Variants in SH3TC1 observed in about 807,000 individuals in gnomAD.
SH3TC1 encodes SH3 domain and tetratricopeptide repeat-containing protein 1.
Under a neutral mutation model 117.3 loss-of-function variants are expected in SH3TC1, and 135 were observed. The ratio of observed to expected loss-of-function variants is 1.15; its 90% CI spans 1.00 to 1.33. The LOEUF is 1.33. SH3TC1 is among the 40% of genes most tolerant of loss of function. The pLI is 0.00. For missense variants in SH3TC1, 2,092 were observed against 1,794.3 expected, an observed-to-expected ratio of 1.17 and a Z score of -3.00; for synonymous variants, 898 against 816.9, an observed-to-expected ratio of 1.10 and a Z score of -1.69.
At chr4:8,194,084 G>A (rs972296215) in intron 1 of SH3TC1, among the ~76,000 whole-genome samples, 2 of 152,212 alleles carry the variant, frequency 1.3e-5, no homozygotes, top group African/African-American at 4.8e-5. Context: ...CCTGGGGCTC[G>A]GGCCTCAGGG....
chr4:8,202,882 G>T (rs1039356172), intron 1 of SH3TC1, among the ~76,000 whole-genome samples: 15 of 152,214 alleles, frequency 9.9e-5, no homozygotes, highest in African/African-American at 3.6e-4. Context: ...GGAGGTGGGT[G>T]GTTGTTGAAA....
intron 5 of SH3TC1, among the ~76,000 whole-genome samples, chr4:8,215,536 C>T (rs1370267950): frequency 1.3e-5 from 2 of 152,152 alleles, no homozygotes; most frequent in African/African-American, 4.8e-5. Flanking sequence ...TTCCTGTCTC[C>T]CTCTTTCAGA....
chr4:8,185,589 A>G (rs1390865329), intron 1 of SH3TC1, among the ~76,000 whole-genome samples: 3 of 152,054 alleles, frequency 2.0e-5, no homozygotes, highest in Non-Finnish European at 2.9e-5. Context: ...TGGAGCAGAC[A>G]CTCTGAAGCT....
In SH3TC1 at chr4:8,205,335, G is replaced by A. The variant is rs1389216492; in HGVS notation, c.141G>A (p.Gly47=). The A allele has an allele frequency of 6.5e-7, 1 of 1,549,642 alleles. No homozygotes were observed. The highest frequency in any genetic ancestry group is 1.2e-5 in the South Asian group (1 of 83,962). Residue 47 remains glycine, a synonymous_variant, in exon 2 of 18, where the codon GGG becomes GGA. Transcript: ENST00000245105. The surrounding 1 kb of genome is among the most constrained non-coding windows in gnomAD (Gnocchi z 5.4). The part of the protein sequence containing the change: ...MRPSVSWEKA[G]PEEAKAPVRG... Reference sequence around the variant, plus strand: ...CCTCTGTGAGCTGGGAGAAAGCGGGGCCCGAGGAGGCCAAGGCGCCAGTGA... The same window carrying A: ...CCTCTGTGAGCTGGGAGAAAGCGGGACCCGAGGAGGCCAAGGCGCCAGTGA...
chr4:8,232,663 C>T (rs1371247906), intron 13 of SH3TC1: 2 of 1,293,366 alleles, frequency 1.5e-6, no homozygotes, highest in Admixed American at 4.6e-5. Flanking sequence ...CTGGAGCATC[C>T]TGACCTGGTG....
In SH3TC1 at chr4:8,192,499, TC is replaced by T. The variant is rs1717448345; in HGVS notation, c.-57+10290del. Among the ~76,000 whole-genome samples, 1 of 149,794 alleles carries T rather than the reference TC, an allele frequency of 6.7e-6. No homozygotes were observed. Among genetic ancestry groups the T allele is most frequent in the Non-Finnish European group, 1.5e-5 (1 of 67,804 alleles). On this transcript the variant is annotated intron_variant, in intron 1 of 16. Transcript: ENST00000508641. The surrounding 1 kb of genome is among the most constrained non-coding windows in gnomAD (Gnocchi z 4.1). ...TTATTTTATTTTATTTTATTTTATT[TC>T]ATTTTATTTTTGAGATGGAGTCTCA...
At chr4:8,238,399 C>T (rs1431413356) in intron 17 of SH3TC1, among the ~76,000 whole-genome samples, 1 of 152,216 alleles carries the variant, frequency 6.6e-6, no homozygotes, top group Non-Finnish European at 1.5e-5. Flanking sequence ...AGACTCGGAT[C>T]TGGGATGTCC....
intron 1 of SH3TC1, chr4:8,182,218 C>G (rs1328349667): frequency 6.6e-6 from 1 of 152,340 alleles, no homozygotes; most frequent in Non-Finnish European, 1.5e-5. Context: ...AGGGTAAGTT[C>G]CAGAGCATTT....
upstream of SH3TC1, among the ~76,000 whole-genome samples, chr4:8,195,565 A>G (rs1717533412): frequency 6.6e-6 from 1 of 152,170 alleles, no homozygotes; most frequent in African/African-American, 2.4e-5. Flanking sequence ...AGCTGCAGAG[A>G]CAAACAGGAT....
upstream of SH3TC1, chr4:8,199,219 A>C (rs1226086058): frequency 1.3e-5 from 2 of 152,316 alleles, no homozygotes; most frequent in Admixed American, 6.5e-5. Context: ...GCAGGGAGGA[A>C]GTAGGGCAGG....
chr4:8,233,103 G>C (rs903493591), intron 13 of SH3TC1: 14 of 1,316,802 alleles, frequency 1.1e-5, no homozygotes, highest in Non-Finnish European at 9.7e-6. Context: ...TCTGGGACGC[G>C]GGGGAGATGG....
chr4:8,237,915 C>A (rs920926515), intron 17 of SH3TC1, among the ~76,000 whole-genome samples: 1 of 152,142 alleles, frequency 6.6e-6, no homozygotes, highest in African/African-American at 2.4e-5. Flanking sequence ...GCAATGGTGG[C>A]CTCTCGGTAA....
intron 12 of SH3TC1, 148 bp from the exon 13 acceptor site, chr4:8,231,828 T>G: frequency 1.2e-6 from 1 of 824,550 alleles, no homozygotes; most frequent in Non-Finnish European, 1.9e-6. Flanking sequence ...GCTGTGCCCA[T>G]GTCACGGTGT....
chr4:8,237,959 G>A (rs896691435), intron 17 of SH3TC1, among the ~76,000 whole-genome samples: 1 of 152,182 alleles, frequency 6.6e-6, no homozygotes, highest in African/African-American at 2.4e-5. Context: ...GGCCCTCCTG[G>A]AGAAGGGGAC....
chr4:8,189,918 G>A (rs1216451102), intron 1 of SH3TC1, among the ~76,000 whole-genome samples: 1 of 152,186 alleles, frequency 6.6e-6, no homozygotes, highest in Admixed American at 6.5e-5. Flanking sequence ...TGTGGTCAGC[G>A]GGTGGACCAG....
chr4:8,215,643 G>A, intron 5 of SH3TC1, among the ~76,000 whole-genome samples: 1 of 152,192 alleles, frequency 6.6e-6, no homozygotes, highest in East Asian at 1.9e-4. Flanking sequence ...GGTGAACGAA[G>A]GCTCACTGCC....
intron 9 of SH3TC1, among the ~76,000 whole-genome samples, chr4:8,221,296 A>G (rs2152988347): frequency 6.6e-6 from 1 of 152,352 alleles, no homozygotes; most frequent in Non-Finnish European, 1.5e-5. Flanking sequence ...TTAACCCAGA[A>G]GGATGACGGG....
chr4:8,193,787 G>A (rs765871441), intron 1 of SH3TC1, among the ~76,000 whole-genome samples: 4 of 152,292 alleles, frequency 2.6e-5, no homozygotes, highest in African/African-American at 4.8e-5. Context: ...GAGTGGGACC[G>A]ACCCTCAGAA....
chr4:8,228,309 C>T lies in SH3TC1; in HGVS notation c.2615C>T (p.Ala872Val). ...GTGATTGCCAACATGGTGGCCGTGG[C>T]TCTGAAGAGGACGGGCCGGACGAGG... is the stretch of plus-strand genomic sequence containing the variant. ...EGVIANMVAVALKRTGRTRQA... is the reference protein window; with the variant it reads ...EGVIANMVAVVLKRTGRTRQA... Residue 872 changes from alanine (A) to valine (V), a missense_variant, in exon 12 of 18, where the codon GCT becomes GTT. Transcript: ENST00000245105. The T allele has an allele frequency of 1.2e-6, 2 of 1,612,220 alleles. No homozygotes were observed. Among genetic ancestry groups the T allele is most frequent in the Middle Eastern group, 1.7e-4 (1 of 6,054 alleles).
Sources: allele counts gnomAD v4.1 joint callset (sites outside exome capture counted in the v4.1 genomes callset), GRCh38; gene constraint gnomAD v4.1.1; non-coding constraint Gnocchi (gnomAD v3.1); transcripts MANE v1.5; gene names NCBI Gene and HGNC (gene_info 2026-07-23, HGNC 2026-07-21).